The following GLRA3 variants were observed in gnomAD, a reference collection of about 807,000 sequenced individuals.
GLRA3 encodes glycine receptor subunit alpha-3.
Under a neutral mutation model 60.4 loss-of-function variants are expected in GLRA3, and 44 were observed. The ratio of observed to expected loss-of-function variants is 0.73; its 90% CI spans 0.57 to 0.94. The LOEUF (loss-of-function observed/expected upper bound fraction) is 0.94, where lower values mean the gene tolerates loss of function less well. GLRA3 is among the 40% of genes least tolerant of loss of function. GLRA3 has a pLI of 0.00. For missense variants in GLRA3, 508 were observed against 564.6 expected (o/e 0.90, Z 1.02); for synonymous variants, 223 against 192.9 (o/e 1.16, Z -1.29).
intron 7 of GLRA3, among the ~76,000 whole-genome samples, chr4:174,664,432 AC>A (rs894758206): frequency 1.3e-5 from 2 of 152,242 alleles, no homozygotes; most frequent in African/African-American, 2.4e-5. Context: ...AAACAAAAAA[AC>A]AACAACAGCA....
At chr4:174,809,666 G>C (rs2111365354) in intron 1 of GLRA3, among the ~76,000 whole-genome samples, 1 of 152,284 alleles carries the variant, frequency 6.6e-6, no homozygotes, top group South Asian at 2.1e-4. Flanking sequence ...CCAGGAGGCA[G>C]AGGTTGCAAT....
At chr4:174,723,513 T>G (rs943880010) in intron 4 of GLRA3, among the ~76,000 whole-genome samples, 26 of 152,060 alleles carry the variant, frequency 1.7e-4, no homozygotes, top group African/African-American at 6.0e-4. Flanking sequence ...ATGTTGATAA[T>G]CATGTAAGAT....
intron 5 of GLRA3, among the ~76,000 whole-genome samples, chr4:174,713,022 T>TA (rs1481024758): frequency 6.6e-6 from 1 of 151,864 alleles, no homozygotes; most frequent in Non-Finnish European, 1.5e-5. Context: ...GTAATTGTCC[T>TA]AAAAAAGTTT....
intron 1 of GLRA3, among the ~76,000 whole-genome samples, chr4:174,821,476 T>A (rs34479073): frequency 0.24 from 35,891 of 151,586 alleles, 4,998 homozygotes; most frequent in Non-Finnish European, 0.31. Context: ...TAACAAGGAG[T>A]GGTATCATCC....
chr4:174,797,743 G>A (rs995266245), intron 1 of GLRA3, among the ~76,000 whole-genome samples: 2 of 151,964 alleles, frequency 1.3e-5, no homozygotes, highest in Admixed American at 6.6e-5. Flanking sequence ...ACCAGCCTGA[G>A]CAACATAGCA....
intron 3 of GLRA3, among the ~76,000 whole-genome samples, chr4:174,740,951 C>T (rs181999228): frequency 4.6e-5 from 7 of 152,260 alleles, no homozygotes; most frequent in Admixed American, 2.6e-4. Flanking sequence ...TTCAATTGTA[C>T]GGGCGTGCCA....
chr4:174,704,751 A>G lies in GLRA3; in HGVS notation c.574+10737T>C, dbSNP rs1735456159. ...TATTATATACATACAATGGAACATT[A>G]TTCAAACTTAAAAAGGAAGAAAATC... On this transcript the variant is annotated intron_variant, in intron 5 of 9. Coordinates refer to ENST00000274093, the MANE Select transcript of GLRA3 (RefSeq NM_006529.4). Among the ~76,000 whole-genome samples, 2 of 144,218 alleles carry G rather than the reference A, an allele frequency of 1.4e-5. 1 individual carries two copies. Among genetic ancestry groups the G allele is most frequent in the Non-Finnish European group, 3.1e-5 (2 of 64,890 alleles). 94.6% of individuals were successfully genotyped at this position (144,218 alleles called of 152,430 possible). A position where few individuals can be genotyped will look rare whatever the true frequency, so the allele number is the denominator to read the frequency against.
At chr4:174,809,618 A>C (rs954048382) in intron 1 of GLRA3, among the ~76,000 whole-genome samples, 21 of 152,150 alleles carry the variant, frequency 1.4e-4, no homozygotes, top group African/African-American at 5.1e-4. Context: ...CTCTAATCCC[A>C]GCTACTTGGG....
At chr4:174,748,936 TTGAGACAAAGCCA>T (rs1440144130) in intron 3 of GLRA3, among the ~76,000 whole-genome samples, 1 of 152,160 alleles carries the variant, frequency 6.6e-6, no homozygotes, top group Non-Finnish European at 1.5e-5. Flanking sequence ...TTGTGGGAGA[TTGAGACAAAGCCA>T]TGATCTGCTC....
intron 3 of GLRA3, among the ~76,000 whole-genome samples, chr4:174,753,236 T>C (rs1284533247): frequency 6.6e-6 from 1 of 152,142 alleles, no homozygotes; most frequent in East Asian, 1.9e-4. Context: ...CTGAAGCATT[T>C]AGTTGGCTTG....
At chr4:174,800,796 C>G (rs1459422359) in intron 1 of GLRA3, among the ~76,000 whole-genome samples, 1 of 151,980 alleles carries the variant, frequency 6.6e-6, no homozygotes, top group Admixed American at 6.6e-5. Context: ...TTATGCCTGC[C>G]TTATGATGAT....
chr4:174,761,311 T>G (rs1458339990), intron 3 of GLRA3, among the ~76,000 whole-genome samples: 1 of 152,176 alleles, frequency 6.6e-6, no homozygotes, highest in Non-Finnish European at 1.5e-5. Flanking sequence ...ATCTAACGAC[T>G]CAATAATTTA....
intron 2 of GLRA3, among the ~76,000 whole-genome samples, chr4:174,784,762 C>T (rs947520808): frequency 4.6e-5 from 7 of 152,014 alleles, no homozygotes; most frequent in Non-Finnish European, 1.0e-4. Context: ...TATTAAATGC[C>T]TTTTAAATAA....
At chr4:174,717,028 C>T (rs1043343489) in intron 4 of GLRA3, among the ~76,000 whole-genome samples, 6 of 151,118 alleles carry the variant, frequency 4.0e-5, no homozygotes, top group Non-Finnish European at 7.4e-5. Flanking sequence ...TAAAAATACT[C>T]TATCTCTACA....
At position 174,639,990 on chromosome 4, in the gene GLRA3, T is replaced by A; in HGVS notation, c.*3796A>T. ...GAATCTGTGTGAACATTTACACTAT[T>A]TCTTCTAATATATTGTATTAACACC... On this transcript the variant is annotated 3_prime_UTR_variant, in exon 10 of 10. Transcript: ENST00000274093. 1 of 152,160 alleles carries A rather than the reference T, an allele frequency of 6.6e-6. No individual in the cohort carries two copies. Among genetic ancestry groups the A allele is most frequent in the East Asian group, 1.9e-4 (1 of 5,196 alleles). The allele number at this position is 152,160 out of a possible 1,614,324, so 9.4% of individuals were successfully genotyped here.
Position 174,768,761 on chromosome 4 carries a change from G to A in GLRA3, c.200-1731C>T, listed in dbSNP as rs76392877. 1.9e-3 allele frequency among the ~76,000 whole-genome samples: 282 copies of A among 152,202 alleles called. 1 individual carries two copies. The highest frequency in any genetic ancestry group is 6.3e-3 in the African/African-American group (260 of 41,550). The stretch of plus-strand genomic sequence containing the variant: ...TGCCAGTAGGTAGCACATTTAGAAC[G>A]TGAACCATTGCTCTGATTCTAGAAA... On this transcript the variant is annotated intron_variant, in intron 2 of 9. Coordinates refer to ENST00000274093, the MANE Select transcript of GLRA3 (RefSeq NM_006529.4).
chr4:174,821,771 A>T (rs888740706), intron 1 of GLRA3, among the ~76,000 whole-genome samples: 1 of 152,166 alleles, frequency 6.6e-6, no homozygotes, highest in Non-Finnish European at 1.5e-5. Context: ...TTTCCACTAG[A>T]TGCTGCCAAT....
At chr4:174,752,636 A>G (rs1040730678) in intron 3 of GLRA3, among the ~76,000 whole-genome samples, 2 of 152,148 alleles carry the variant, frequency 1.3e-5, no homozygotes, top group African/African-American at 4.8e-5. Context: ...GACTTAATGG[A>G]GAAGGAAGCA....
At chr4:174,724,822 G>A (rs943595808) in intron 4 of GLRA3, among the ~76,000 whole-genome samples, 3 of 152,044 alleles carry the variant, frequency 2.0e-5, no homozygotes, top group Non-Finnish European at 4.4e-5. Flanking sequence ...CTTCCTTTCA[G>A]CACCTAAAAA....
Sources: gnomAD v4.1 joint callset for allele counts (sites outside exome capture counted in the v4.1 genomes callset) on GRCh38, gnomAD v4.1.1 for gene constraint, MANE v1.5 for transcripts, NCBI Gene and HGNC (gene_info 2026-07-23, HGNC 2026-07-21) for gene names.